PDZD2: variants seen among roughly 807,000 people sequenced by gnomAD.
PDZD2 encodes the protein PDZ domain containing 2.
Under a neutral mutation model 220.7 loss-of-function variants are expected in PDZD2, and 90 were observed. The observed-to-expected ratio is 0.41, with a 90% CI of 0.34 to 0.49. PDZD2 has a LOEUF of 0.49. Among genes scored for constraint, PDZD2 ranks in the 20% least tolerant of loss-of-function variants. The probability of loss-of-function intolerance (pLI) is 0.28; values close to 1 mark genes in which losing one functional copy is unlikely to be tolerated. For synonymous variants in PDZD2, 1,375 were observed against 1,450.5 expected (o/e 0.95, Z 1.18); for missense variants, 3,174 against 3,608.5 (o/e 0.88, Z 3.08).
In PDZD2 at chr5:32,098,446, C is replaced by T. The variant is rs1183272466; in HGVS notation, c.8030C>T (p.Ala2677Val). Residue 2677 changes from alanine to valine, a missense_variant, in exon 23 of 25, where the codon GCC becomes GTC. By Grantham distance (64) the Ala-to-Val change is moderately conservative. Coordinates refer to ENST00000438447, the MANE Select transcript of PDZD2 (RefSeq NM_178140.4). This position sits in a 1 kb window ranked among gnomAD's most constrained non-coding sequence, Gnocchi z 4.1. ...GATTTCCTTCTGTCAGTCAACGGCG[C>T]CTCACTGGCTGGCTTAGCCCACGGG... ...RGDFLLSVNG[A>V]SLAGLAHGNV... 3 of 1,614,060 alleles carry T rather than the reference C, an allele frequency of 1.9e-6. No homozygotes were observed. The highest frequency in any genetic ancestry group is 1.7e-5 in the Admixed American group (1 of 60,004).
At chr5:31,695,665 G>C (rs1400619634) in intron 1 of PDZD2, among the ~76,000 whole-genome samples, 1 of 152,184 alleles carries the variant, frequency 6.6e-6, no homozygotes, top group Non-Finnish European at 1.5e-5. Flanking sequence ...CACCTTAGGG[G>C]CTGGCTTATT....
At chr5:31,850,196 A>G (rs984973838) in intron 2 of PDZD2, among the ~76,000 whole-genome samples, 7 of 130,952 alleles carry the variant, frequency 5.3e-5, no homozygotes, top group African/African-American at 2.1e-4. Context: ...GTATATATGT[A>G]TATATAAGTA....
chr5:31,881,740 G>T (rs189568134), intron 2 of PDZD2, among the ~76,000 whole-genome samples: 5 of 150,592 alleles, frequency 3.3e-5, no homozygotes, highest in Non-Finnish European at 7.4e-5. Context: ...TTTTGAGATG[G>T]TGTCTCACTC....
At chr5:31,818,137 T>C (rs1032426728) in intron 2 of PDZD2, among the ~76,000 whole-genome samples, 1 of 151,790 alleles carries the variant, frequency 6.6e-6, no homozygotes, top group Non-Finnish European at 1.5e-5. Flanking sequence ...GCCTGGCTAA[T>C]GTTTTGTGTT....
intron 1 of PDZD2, among the ~76,000 whole-genome samples, chr5:31,674,333 G>A (rs1746324814): frequency 1.3e-5 from 2 of 152,184 alleles, no homozygotes; most frequent in African/African-American, 4.8e-5. Flanking sequence ...TCACTTTAAA[G>A]AACAGAGCTT....
intron 2 of PDZD2, among the ~76,000 whole-genome samples, chr5:31,863,823 A>G (rs1176728725): frequency 6.6e-6 from 1 of 152,204 alleles, no homozygotes; most frequent in African/African-American, 2.4e-5. Context: ...GAAGACCTTG[A>G]TGTTTCCATT....
intron 2 of PDZD2, chr5:31,847,646 A>G (rs925274056): frequency 4.9e-6 from 3 of 616,224 alleles, no homozygotes; most frequent in Non-Finnish European, 9.2e-6. Flanking sequence ...GTGACTGGAG[A>G]TGAATACAAT....
chr5:32,073,610 G>T (rs185225207), intron 17 of PDZD2, among the ~76,000 whole-genome samples: 7 of 138,528 alleles, frequency 5.1e-5, no homozygotes, highest in African/African-American at 1.6e-4. Flanking sequence ...AAAAGGGCGG[G>T]GGGGGTAGGT....
Position 32,090,843 on chromosome 5 carries a change from C to G in PDZD2, c.7395C>G (p.Asn2465Lys), listed in dbSNP as rs1341645629. Residue 2465 changes from asparagine (N) to lysine (K), a missense_variant, in exon 20 of 25, where the codon AAC (asparagine) becomes AAG (lysine). Asn to Lys is a moderately conservative substitution (Grantham distance 94). Around this residue, in one of 4 missense-constraint regions of PDZD2, gnomAD observed 631 missense variants for 789.9 expected, o/e 0.80. Transcript: ENST00000438447. This position sits in a 1 kb window ranked among gnomAD's most constrained non-coding sequence, Gnocchi z 4.3. ...TMTLASPVKR[N>K]KSSVRHTQPS... Reference sequence around the variant, plus strand: ...CCCTGGCTTCTCCTGTTAAGAGGAACAAGTCCTCGGTACGCCACACGCAGC... The same window carrying G: ...CCCTGGCTTCTCCTGTTAAGAGGAAGAAGTCCTCGGTACGCCACACGCAGC... 1.9e-6 allele frequency: 3 copies of G among 1,613,974 alleles called. No homozygotes were observed. The highest frequency in any genetic ancestry group is 2.5e-6 in the Non-Finnish European group (3 of 1,180,022).
chr5:31,698,092 A>G (rs1397509559), intron 1 of PDZD2, among the ~76,000 whole-genome samples: 3 of 147,320 alleles, frequency 2.0e-5, no homozygotes, highest in Non-Finnish European at 3.0e-5. Flanking sequence ...ATTTTTTAGT[A>G]GAGACGGGGT....
chr5:31,873,159 T>C (rs1738983073), intron 2 of PDZD2, among the ~76,000 whole-genome samples: 1 of 152,012 alleles, frequency 6.6e-6, no homozygotes, highest in Non-Finnish European at 1.5e-5. Flanking sequence ...GCAATTGAGA[T>C]TTAAGAAATT....
chr5:32,095,317 C>T (rs771649393), intron 21 of PDZD2, among the ~76,000 whole-genome samples: 6 of 152,200 alleles, frequency 3.9e-5, no homozygotes, highest in Non-Finnish European at 7.3e-5. Context: ...CCTTTATTTT[C>T]TCACTGTCTT....
At chr5:31,706,231 G>A (rs1345712043) in intron 1 of PDZD2, among the ~76,000 whole-genome samples, 1 of 152,200 alleles carries the variant, frequency 6.6e-6, no homozygotes, top group Non-Finnish European at 1.5e-5. Context: ...TGTGTACATT[G>A]CTAGTGGCCA....
Position 32,074,138 on chromosome 5 carries a change from G to A in PDZD2, c.3032G>A (p.Gly1011Asp), listed in dbSNP as rs1215884781. 6.2e-7 allele frequency: 1 copy of A among 1,614,114 alleles called. No individual in the cohort carries two copies. Among genetic ancestry groups the A allele is most frequent in the African/African-American group, 1.3e-5 (1 of 74,948 alleles). ...PRRVSISSSK[G>D]MDVHNQEERP... is the part of the protein sequence containing the mutation. ...CGTGTCTCAATTTCCTCTTCCAAGG[G>A]CATGGACGTCCACAACCAAGAGGAA... Residue 1011 changes from glycine (G) to aspartate (D), a missense_variant, in exon 18 of 25, where the codon GGC becomes GAC. Transcript: ENST00000438447.
intron 1 of PDZD2, among the ~76,000 whole-genome samples, chr5:31,780,849 A>G (rs925633143): frequency 4.6e-5 from 7 of 152,214 alleles, no homozygotes; most frequent in Non-Finnish European, 7.3e-5. Context: ...TAGCAGCAGC[A>G]GTTCCAGGCG....
chr5:31,748,742 T>A (rs1464108084), intron 1 of PDZD2, among the ~76,000 whole-genome samples: 4 of 152,186 alleles, frequency 2.6e-5, no homozygotes, highest in Non-Finnish European at 4.4e-5. Flanking sequence ...TTGGTTGGGG[T>A]GGAGTTTGAA....
At chr5:31,763,103 T>C (rs953186662) in intron 1 of PDZD2, among the ~76,000 whole-genome samples, 8 of 152,200 alleles carry the variant, frequency 5.3e-5, no homozygotes, top group Non-Finnish European at 1.0e-4. Flanking sequence ...TAAGAGTTAC[T>C]GGTTTGTGAG....
intron 19 of PDZD2, among the ~76,000 whole-genome samples, chr5:32,086,431 A>G (rs1742452856): frequency 6.6e-6 from 1 of 152,230 alleles, no homozygotes; most frequent in Admixed American, 6.5e-5. Context: ...CAGGGTAATC[A>G]GCATATCCAT....
rs157496 is a variant in PDZD2, at chr5:32,087,268, A to G, written c.3820A>G (p.Thr1274Ala). ...NPSQPASPRV[T>A]KCKARSPVRL... ...CAGCCAGCCTGCATCGCCCAGGGTC[A>G]CCAAGTGCAAGGCCAGGTCTCCAGT... The change falls in exon 20 of 25, where the codon ACC becomes GCC. Residue 1274 changes from threonine to alanine, a missense_variant. This residue lies in a region of PDZD2 where 1,861 missense variants were observed against 2,001.0 expected (regional missense o/e 0.93). Transcript: ENST00000438447. The surrounding 1 kb of genome is among the most constrained non-coding windows in gnomAD (Gnocchi z 4.0). 0.26 allele frequency: 418,110 copies of G among 1,613,764 alleles called. 58,088 individuals are homozygous for G. The highest frequency in any genetic ancestry group is 0.48 in the South Asian group (43,379 of 91,076).
Sources: allele counts gnomAD v4.1 joint callset (sites outside exome capture counted in the v4.1 genomes callset), GRCh38; gene constraint gnomAD v4.1.1; regional missense constraint gnomAD v4.1.1; non-coding constraint Gnocchi (gnomAD v3.1); transcripts MANE v1.5; gene names NCBI Gene and HGNC (gene_info 2026-07-23, HGNC 2026-07-21).